The following THSD7A variants were observed in gnomAD, a reference collection of about 807,000 sequenced individuals.
THSD7A encodes thrombospondin type 1 domain containing 7A.
Under a neutral mutation model 231.3 loss-of-function variants are expected in THSD7A, and 96 were observed. The observed-to-expected ratio is 0.41, with a 90% CI of 0.35 to 0.49. The LOEUF (loss-of-function observed/expected upper bound fraction) is 0.49, where lower values mean the gene tolerates loss of function less well. THSD7A is among the 20% of genes least tolerant of loss of function. The pLI, the probability that THSD7A is intolerant of heterozygous loss-of-function variation, is 0.05. For synonymous variants in THSD7A, 940 were observed against 743.3 expected (o/e 1.26, Z -4.30); for missense variants, 2,290 against 2,070.2 (o/e 1.11, Z -2.06).
intron 19 of THSD7A, among the ~76,000 whole-genome samples, chr7:11,407,823 T>C (rs1404098840): frequency 6.6e-6 from 1 of 152,212 alleles, no homozygotes; most frequent in Admixed American, 6.5e-5. Flanking sequence ...AGGGATATTA[T>C]TTATTTTTAC....
intron 1 of THSD7A, among the ~76,000 whole-genome samples, chr7:11,829,674 C>A (rs1041568508): frequency 6.6e-6 from 1 of 152,092 alleles, no homozygotes; most frequent in Non-Finnish European, 1.5e-5. Context: ...AAGTGATACA[C>A]ACATAGTGAT....
At chr7:11,472,416 A>G (rs1341642446) in intron 8 of THSD7A, among the ~76,000 whole-genome samples, 1 of 152,182 alleles carries the variant, frequency 6.6e-6, no homozygotes. Context: ...TTTGGTTCAT[A>G]TACCTAGTAT....
At position 11,759,321 on chromosome 7, in the gene THSD7A, A is replaced by T. The variant is rs1427575121; in HGVS notation, c.190+72436T>A. 5.3e-5 allele frequency among the ~76,000 whole-genome samples: 8 copies of T among 152,244 alleles called. No homozygotes were observed. In the East Asian group the frequency reaches 1.4e-3, roughly 26 times the overall value. On this transcript the variant is annotated intron_variant, in intron 1 of 27. Transcript: ENST00000423059. ...ATGTAATTTGAAAAAGAACCAATGA[A>T]ATGATCACAACTAAAAGGTATGGTT... is the stretch of plus-strand genomic sequence containing the variant.
intron 1 of THSD7A, among the ~76,000 whole-genome samples, chr7:11,824,439 A>T (rs558473841): frequency 6.6e-6 from 1 of 152,006 alleles, no homozygotes; most frequent in Admixed American, 6.5e-5. Flanking sequence ...TCCTCCCACC[A>T]TCAGGCCTGT....
At chr7:11,546,459 C>T (rs1051382156) in intron 4 of THSD7A, among the ~76,000 whole-genome samples, 3 of 152,144 alleles carry the variant, frequency 2.0e-5, no homozygotes, top group South Asian at 2.1e-4. Context: ...CTGAGCTGAG[C>T]CTGGGCCACC....
intron 6 of THSD7A, among the ~76,000 whole-genome samples, chr7:11,502,727 T>C (rs1035554387): frequency 1.3e-5 from 2 of 151,886 alleles, no homozygotes; most frequent in African/African-American, 4.8e-5. Flanking sequence ...ACACACAAAA[T>C]ACCTAGGAAT....
chr7:11,736,714 G>T (rs1313721358), intron 1 of THSD7A, among the ~76,000 whole-genome samples: 3 of 151,940 alleles, frequency 2.0e-5, no homozygotes, highest in African/African-American at 7.2e-5. Flanking sequence ...GGAAAACTTA[G>T]AAGTCCCAAA....
intron 1 of THSD7A, among the ~76,000 whole-genome samples, chr7:11,638,018 C>T (rs969485786): frequency 1.3e-5 from 2 of 152,162 alleles, no homozygotes; most frequent in Admixed American, 6.5e-5. Context: ...CATTTTCCAT[C>T]TGTTGTGTGG....
chr7:11,460,745 C>T lies in THSD7A; in HGVS notation c.2522G>A (p.Arg841His), dbSNP rs118134876. ...QSYRWKTHKWRRCQLVPWSVQ... is the reference protein window; with the variant it reads ...QSYRWKTHKWHRCQLVPWSVQ... ...GCTCCAAGGGACTAATTGGCATCTG[C>T]GCCATTTGTGAGTCTTCCACCTACA... is the stretch of plus-strand genomic sequence containing the variant. The change falls in exon 11 of 28, where the codon CGC (arginine) becomes CAC (histidine). Residue 841 changes from arginine (R) to histidine (H), a missense_variant. Arg to His is a conservative substitution (Grantham distance 29, BLOSUM62 0). Coordinates refer to ENST00000423059, the MANE Select transcript of THSD7A (RefSeq NM_015204.3). The T allele has an allele frequency of 0.052, 83,190 of 1,611,598 alleles. 2,420 individuals are homozygous for T. Among genetic ancestry groups the T allele is most frequent in the Middle Eastern group, 0.064 (385 of 6,056 alleles).
At chr7:11,497,856 T>C (rs1161625294) in intron 6 of THSD7A, among the ~76,000 whole-genome samples, 1 of 152,044 alleles carries the variant, frequency 6.6e-6, no homozygotes, top group Admixed American at 6.6e-5. Flanking sequence ...GGGAGCAACA[T>C]GGAGCCAGGG....
chr7:11,724,551 G>T (rs535271319), intron 1 of THSD7A, among the ~76,000 whole-genome samples: 1 of 151,770 alleles, frequency 6.6e-6, no homozygotes, highest in East Asian at 2.0e-4. Flanking sequence ...GTATATACAC[G>T]CACACATACC....
intron 6 of THSD7A, among the ~76,000 whole-genome samples, chr7:11,482,780 T>G (rs1334841506): frequency 2.0e-5 from 3 of 152,172 alleles, no homozygotes; most frequent in Non-Finnish European, 1.5e-5. Context: ...ATTTTGCCCT[T>G]GACACTCTAG....
intron 1 of THSD7A, among the ~76,000 whole-genome samples, chr7:11,696,667 G>A (rs554992964): frequency 2.0e-5 from 3 of 151,114 alleles, no homozygotes; most frequent in East Asian, 4.0e-4. Flanking sequence ...AAAATACCTA[G>A]AAATACAACT....
chr7:11,439,008 A>G (rs948511814), intron 13 of THSD7A, among the ~76,000 whole-genome samples: 10 of 152,032 alleles, frequency 6.6e-5, no homozygotes, highest in African/African-American at 2.4e-4. Flanking sequence ...TTCAAGCACA[A>G]AAAGTCTTAG....
intron 1 of THSD7A, among the ~76,000 whole-genome samples, chr7:11,676,565 A>G (rs1783645281): frequency 6.6e-6 from 1 of 152,186 alleles, no homozygotes; most frequent in African/African-American, 2.4e-5. Flanking sequence ...AGTTTAGAGA[A>G]GAACATAAAT....
chr7:11,722,792 A>G (rs1781405123), intron 1 of THSD7A, among the ~76,000 whole-genome samples: 1 of 152,038 alleles, frequency 6.6e-6, no homozygotes, highest in African/African-American at 2.4e-5. Context: ...ATCTCACACC[A>G]GTTAGAATGG....
intron 4 of THSD7A, among the ~76,000 whole-genome samples, chr7:11,564,907 A>C (rs550693688): frequency 6.6e-6 from 1 of 152,190 alleles, no homozygotes; most frequent in African/African-American, 2.4e-5. Flanking sequence ...TGTTCAAAAT[A>C]TACATTTTTC....
chr7:11,501,148 C>G (rs1787320297), intron 6 of THSD7A, among the ~76,000 whole-genome samples: 1 of 152,042 alleles, frequency 6.6e-6, no homozygotes, highest in Non-Finnish European at 1.5e-5. Context: ...TAGAGACCTA[C>G]AAAGAGACAT....
At chr7:11,655,508 T>C (rs1782670307) in intron 1 of THSD7A, among the ~76,000 whole-genome samples, 3 of 151,890 alleles carry the variant, frequency 2.0e-5, no homozygotes, top group African/African-American at 7.2e-5. Context: ...AACTAAATAC[T>C]CTTGTTTTTG....
Sources: gnomAD v4.1 joint callset for allele counts (sites outside exome capture counted in the v4.1 genomes callset) on GRCh38, gnomAD v4.1.1 for gene constraint, MANE v1.5 for transcripts, NCBI Gene and HGNC (gene_info 2026-07-23, HGNC 2026-07-21) for gene names.